The following IL17D variants were observed in gnomAD, a reference collection of about 807,000 sequenced individuals.
IL17D encodes interleukin-17D.
In IL17D, 10 loss-of-function variants were observed where a neutral mutation model predicts 5.7. The observed-to-expected ratio is 1.75, with a 90% CI of 1.08 to 2.97. IL17D has a LOEUF of 2.97. Among genes scored for constraint, IL17D ranks in the 30% most tolerant of loss-of-function variants. IL17D has a pLI of 0.00. For missense variants in IL17D, 354 were observed against 292.7 expected (o/e 1.21, Z -1.53); for synonymous variants, 172 against 141.7 (o/e 1.21, Z -1.52).
chr13:20,702,897 G>T (rs1049475786), upstream of IL17D: 1 of 152,226 alleles, frequency 6.6e-6, no homozygotes, highest in African/African-American at 2.4e-5. Context: ...TCGAAGTACA[G>T]AATCTCAAGA....
At position 20,722,101 on chromosome 13, in the gene IL17D, C is replaced by G; in HGVS notation, c.*147C>G. ...CACCAGCGCCGCCTTTCCATGGAGACTCGTAAGCAGCTTCATCTGACACGG... is the reference window on the plus strand; with the variant it reads ...CACCAGCGCCGCCTTTCCATGGAGAGTCGTAAGCAGCTTCATCTGACACGG... On this transcript the variant is annotated 3_prime_UTR_variant, in exon 2 of 2. Transcript: ENST00000682841. 1.6e-6 allele frequency: 1 copy of G among 630,718 alleles called. No homozygotes were observed. The highest frequency in any genetic ancestry group is 2.6e-6 in the Non-Finnish European group (1 of 379,226). 39.1% of individuals were successfully genotyped at this position (630,718 alleles called of 1,614,324 possible). A position where few individuals can be genotyped will look rare whatever the true frequency, so the allele number is the denominator to read the frequency against.
At chr13:20,704,882 C>T (rs2058578922) in intron 1 of IL17D, among the ~76,000 whole-genome samples, 1 of 152,076 alleles carries the variant, frequency 6.6e-6, no homozygotes, top group Non-Finnish European at 1.5e-5. Flanking sequence ...GGGAAGCGCC[C>T]TCTGAGCCCC....
Position 20,703,915 on chromosome 13 carries a change from G to A in IL17D, c.-87G>A. ...GAGGGGAGGCGCCCGCCGGCTCCGG[G>A]CGCCGCGGGCGGGACACGGGCGCGG... On this transcript the variant is annotated 5_prime_UTR_variant, in exon 1 of 2. Transcript: ENST00000682841. 1 of 753,090 alleles carries A rather than the reference G, an allele frequency of 1.3e-6. No homozygotes were observed. Among genetic ancestry groups the A allele is most frequent in the East Asian group, 1.3e-4 (1 of 7,796 alleles). The allele number at this position is 753,090 out of a possible 1,614,324, so 46.7% of individuals were successfully genotyped here.
rs2058569689 is a variant in IL17D at position 20,704,247 on chromosome 13, C to T, written c.246C>T (p.Phe82=). The part of the protein sequence containing the change: ...PAGGRPADRR[F]RPPTNLRSVS... ...GGGGCAGGCCCGCCGACCGCCGCTT[C>T]CGGCCGCCCACCAACCTGCGCAGCG... Residue 82 remains phenylalanine (F), a synonymous_variant, in exon 1 of 2, where the codon TTC becomes TTT. Coordinates refer to ENST00000682841, the MANE Select transcript of IL17D (RefSeq NM_001385224.1). The T allele has an allele frequency of 2.3e-6, 3 of 1,311,198 alleles. No homozygotes were observed. The highest frequency in any genetic ancestry group is 1.9e-6 in the Non-Finnish European group (2 of 1,031,628). The allele number at this position is 1,311,198 out of a possible 1,614,324, so 81.2% of individuals were successfully genotyped here.
Position 20,704,176 on chromosome 13 carries a change from C to T in IL17D, c.175C>T (p.Gln59Ter), listed in dbSNP as rs2058568849. Residue 59 changes from glutamine (Q) to a stop codon, truncating the protein, a stop_gained, in exon 1 of 2, where the codon CAG becomes TAG. Transcript: ENST00000682841. LOFTEE classifies it high-confidence loss of function. ...GVLSAFHHTL[Q>*]LGPREQARNA... ...GCTCAGTGCCTTCCACCACACGCTG[C>T]AGCTGGGGCCGCGTGAGCAGGCGCG... 2.2e-6 allele frequency: 3 copies of T among 1,372,384 alleles called. No homozygotes were observed. The highest frequency in any genetic ancestry group is 2.8e-6 in the Non-Finnish European group (3 of 1,056,210). 85.0% of individuals were successfully genotyped at this position (1,372,384 alleles called of 1,614,324 possible).
intron 1 of IL17D, among the ~76,000 whole-genome samples, chr13:20,720,681 G>C (rs549710314): frequency 6.6e-6 from 1 of 152,268 alleles, no homozygotes; most frequent in Non-Finnish European, 1.5e-5. Flanking sequence ...GGAAGCCTTG[G>C]AGTCATTGCT....
chr13:20,704,974 C>G (rs2058579842), intron 1 of IL17D, among the ~76,000 whole-genome samples: 1 of 152,162 alleles, frequency 6.6e-6, no homozygotes, highest in South Asian at 2.1e-4. Flanking sequence ...GTGACATGAA[C>G]AGTTTCGAGA....
upstream of IL17D, chr13:20,703,431 G>A: frequency 3.0e-6 from 3 of 985,784 alleles, no homozygotes; most frequent in Non-Finnish European, 3.6e-6. Flanking sequence ...CGGCTTCTCG[G>A]TCCGAGTCCC....
Position 20,703,998 on chromosome 13 carries a change from CT to C in IL17D, c.-3del. On this transcript the variant is annotated 5_prime_UTR_variant, in exon 1 of 2. Transcript: ENST00000682841. The stretch of plus-strand genomic sequence containing the variant: ...GCTGAGCGTGGCCTGTCCCTCAGGT[CT>C]GGATGCTGGTAGCCGGCTTCCTGCT... 9.8e-7 allele frequency: 1 copy of C among 1,018,224 alleles called. No individual in the cohort carries two copies. The highest frequency in any genetic ancestry group is 1.2e-6 in the Non-Finnish European group (1 of 854,460). 63.1% of individuals were successfully genotyped at this position (1,018,224 alleles called of 1,614,324 possible).
At chr13:20,709,140 C>T (rs1452237810) in intron 1 of IL17D, among the ~76,000 whole-genome samples, 4 of 137,252 alleles carry the variant, frequency 2.9e-5, no homozygotes, top group African/African-American at 8.1e-5. Flanking sequence ...CTAAGAAGCC[C>T]TTTTTTTTTT....
chr13:20,721,880 A>C lies in IL17D; in HGVS notation c.535A>C (p.Ser179Arg). ...CVPEPEKDAD[S>R]INSSIDKQGA... ...CCCCGAGCCGGAGAAGGACGCAGAC[A>C]GCATCAACTCCAGCATCGACAAACA... The change falls in exon 2 of 2, where the codon AGC (serine) becomes CGC (arginine). Residue 179 changes from serine to arginine, a missense_variant. Ser to Arg is a moderately radical substitution (Grantham distance 110). Transcript: ENST00000682841. 6.2e-7 allele frequency: 1 copy of C among 1,609,882 alleles called. No homozygotes were observed. The highest frequency in any genetic ancestry group is 8.5e-7 in the Non-Finnish European group (1 of 1,179,674).
chr13:20,722,146 A>G lies in IL17D; in HGVS notation c.*192A>G. ...ACACGGGCATCCCTGGCTTGCTTTTAGCTACAAGCAAGCAGCGTGGCTGGA... is the reference window on the plus strand; with the variant it reads ...ACACGGGCATCCCTGGCTTGCTTTTGGCTACAAGCAAGCAGCGTGGCTGGA... On this transcript the variant is annotated 3_prime_UTR_variant, in exon 2 of 2. Coordinates refer to ENST00000682841, the MANE Select transcript of IL17D (RefSeq NM_001385224.1). The G allele has an allele frequency of 1.8e-6, 1 of 549,416 alleles. No homozygotes were observed. The highest frequency in any genetic ancestry group is 3.6e-5 in the Admixed American group (1 of 27,846). 34.0% of individuals were successfully genotyped at this position (549,416 alleles called of 1,614,324 possible).
upstream of IL17D, chr13:20,702,389 A>C (rs2058552612): frequency 6.6e-6 from 1 of 152,234 alleles, no homozygotes; most frequent in Non-Finnish European, 1.5e-5. Flanking sequence ...TTTACAATTC[A>C]GTCAAATACC....
intron 1 of IL17D, among the ~76,000 whole-genome samples, chr13:20,718,633 C>T (rs1595002237): frequency 8.0e-6 from 1 of 124,776 alleles, no homozygotes; most frequent in African/African-American, 3.2e-5. Flanking sequence ...CACACACAGG[C>T]CCACGCTCAC....
rs2058742695 is a variant in IL17D at position 20,722,222 on chromosome 13, A to G, written c.*268A>G. ...GGCATCCTGTGTGCGGCCCGCATGGAGGGTTTGGAAAAGTTCACGGAGGCT... is the reference window on the plus strand; with the variant it reads ...GGCATCCTGTGTGCGGCCCGCATGGGGGGTTTGGAAAAGTTCACGGAGGCT... On this transcript the variant is annotated 3_prime_UTR_variant, in exon 2 of 2. Coordinates refer to ENST00000682841, the MANE Select transcript of IL17D (RefSeq NM_001385224.1). The G allele has an allele frequency of 4.4e-6, 2 of 459,148 alleles. No homozygotes were observed. Among genetic ancestry groups the G allele is most frequent in the Non-Finnish European group, 7.7e-6 (2 of 260,770 alleles). 28.4% of individuals were successfully genotyped at this position (459,148 alleles called of 1,614,324 possible). A position where few individuals can be genotyped will look rare whatever the true frequency, so the allele number is the denominator to read the frequency against.
In IL17D at chr13:20,721,782, C is replaced by A; in HGVS notation, c.437C>A (p.Thr146Asn). The A allele has an allele frequency of 1.2e-6, 2 of 1,609,494 alleles. No homozygotes were observed. The highest frequency in any genetic ancestry group is 1.7e-6 in the Non-Finnish European group (2 of 1,179,718). Residue 146 changes from threonine to asparagine, a missense_variant, in exon 2 of 2, where the codon ACC becomes AAC. Physicochemically the swap from Thr to Asn is moderately conservative, Grantham distance 65. Transcript: ENST00000682841. Reference sequence around the variant, plus strand: ...ATGCCCACCGTCGTCCTGCGCCGCACCCCCGCCTGCGCCGGCGGCCGTTCC... The same window carrying A: ...ATGCCCACCGTCGTCCTGCGCCGCAACCCCGCCTGCGCCGGCGGCCGTTCC... Reference protein sequence around the residue: ...VYMPTVVLRRTPACAGGRSVY... With the variant: ...VYMPTVVLRRNPACAGGRSVY...
chr13:20,706,677 C>T (rs958651103), intron 1 of IL17D, among the ~76,000 whole-genome samples: 12 of 152,250 alleles, frequency 7.9e-5, no homozygotes, highest in African/African-American at 2.9e-4. Flanking sequence ...CAGAGCAGGG[C>T]TGGAGGACAC....
intron 1 of IL17D, among the ~76,000 whole-genome samples, chr13:20,720,605 T>TG (rs1168441187): frequency 6.6e-6 from 1 of 152,234 alleles, no homozygotes; most frequent in Non-Finnish European, 1.5e-5. Flanking sequence ...GCGGCTCCAC[T>TG]GCCAGCAAGG....
rs1257953457 is a variant in IL17D at position 20,722,478 on chromosome 13, T to A, written c.*524T>A. 6.6e-6 allele frequency: 1 copy of A among 152,404 alleles called. No homozygotes were observed. The highest frequency in any genetic ancestry group is 1.5e-5 in the Non-Finnish European group (1 of 68,158). The allele number at this position is 152,404 out of a possible 1,614,324, so 9.4% of individuals were successfully genotyped here. A position where few individuals can be genotyped will look rare whatever the true frequency, so the allele number is the denominator to read the frequency against. On this transcript the variant is annotated 3_prime_UTR_variant, in exon 2 of 2. Coordinates refer to ENST00000682841, the MANE Select transcript of IL17D (RefSeq NM_001385224.1). Reference sequence around the variant, plus strand: ...CATTTCTTAACATATAAACATCGTTTTTTACTTCTTCTGGTAGAATTTTTT... The same window carrying A: ...CATTTCTTAACATATAAACATCGTTATTTACTTCTTCTGGTAGAATTTTTT...
Sources: allele counts gnomAD v4.1 joint callset (sites outside exome capture counted in the v4.1 genomes callset), GRCh38; gene constraint gnomAD v4.1.1; transcripts MANE v1.5; gene names NCBI Gene and HGNC (gene_info 2026-07-23, HGNC 2026-07-21).